Variants in TRIM51G observed in about 807,000 individuals in gnomAD.
TRIM51G encodes the protein tripartite motif-containing protein 51G.
the TRIM51G span, among the ~76,000 whole-genome samples, chr11:48,981,979 A>T: frequency 6.6e-6 from 1 of 152,162 alleles, no homozygotes; most frequent in East Asian, 1.9e-4. Context: ...GGATGTCGAT[A>T]TGAAACTCGG....
the TRIM51G span, chr11:48,978,995 G>T: frequency 2.3e-4 from 340 of 1,449,694 alleles, no homozygotes; most frequent in Middle Eastern, 2.6e-3. Context: ...AAATGTCCTC[G>T]CCCTCCTTTT....
the TRIM51G span, among the ~76,000 whole-genome samples, chr11:48,976,544 C>T: frequency 5.3e-5 from 8 of 152,220 alleles, no homozygotes; most frequent in African/African-American, 1.7e-4. Context: ...AAATTTTACA[C>T]GTAGCTCTTC....
the TRIM51G span, chr11:48,975,525 C>T: frequency 1.2e-5 from 17 of 1,395,426 alleles, no homozygotes; most frequent in East Asian, 3.5e-4. Context: ...AAATGATAGG[C>T]CAGAGAGGAG....
the TRIM51G span, chr11:48,979,196 A>G: frequency 6.5e-6 from 4 of 618,298 alleles, no homozygotes; most frequent in East Asian, 6.6e-5. Context: ...CAATATTTTA[A>G]TCCTCGATCT....
the TRIM51G span, among the ~76,000 whole-genome samples, chr11:48,977,578 G>T: frequency 2.3e-3 from 346 of 152,242 alleles, 1 homozygote; most frequent in African/African-American, 5.8e-3. Context: ...GTGTTGAAAC[G>T]TGCTCCAGGC....
chr11:48,980,990 T>A, the TRIM51G span: 2 of 559,232 alleles, frequency 3.6e-6, no homozygotes, highest in South Asian at 1.5e-5. Flanking sequence ...GCATTTTTCT[T>A]AGGAGCTCCT....
chr11:48,982,111 G>A, the TRIM51G span, among the ~76,000 whole-genome samples: 65 of 152,062 alleles, frequency 4.3e-4, 1 homozygote, highest in Non-Finnish European at 5.3e-4. Flanking sequence ...ATGAGAAGAT[G>A]GTCAGAGGGT....
the TRIM51G span, among the ~76,000 whole-genome samples, chr11:48,982,947 G>GTGTGTGTGTGTA: frequency 7.0e-5 from 6 of 86,138 alleles, no homozygotes; most frequent in South Asian, 5.5e-4. Flanking sequence ...AGTATTTTTG[G>GTGTGTGTGTGTA]TATATATACA....
chr11:48,979,742 T>C, the TRIM51G span, among the ~76,000 whole-genome samples: 1 of 151,366 alleles, frequency 6.6e-6, no homozygotes, highest in African/African-American at 2.4e-5. Flanking sequence ...TAGGTATATA[T>C]GGATATTTGA....
chr11:48,975,714 T>A, the TRIM51G span: 7 of 1,548,392 alleles, frequency 4.5e-6, no homozygotes, highest in Non-Finnish European at 6.2e-6. Flanking sequence ...CCTTAACACA[T>A]CCAAGAAGAA....
the TRIM51G span, chr11:48,979,067 A>C: frequency 4.8e-6 from 4 of 838,980 alleles, no homozygotes; most frequent in South Asian, 5.3e-5. Flanking sequence ...TATGATATTC[A>C]GCTCTGATTG....
the TRIM51G span, chr11:48,980,835 G>C: frequency 4.6e-6 from 2 of 439,032 alleles, no homozygotes; most frequent in Non-Finnish European, 9.3e-6. Flanking sequence ...TTGAGATCAA[G>C]TTCCTATTTT....
chr11:48,981,234 A>G, the TRIM51G span: 2 of 1,597,488 alleles, frequency 1.3e-6, no homozygotes, highest in Admixed American at 1.7e-5. Flanking sequence ...ATAGGCTGAC[A>G]AGAATTCCAT....
the TRIM51G span, chr11:48,975,699 G>A: frequency 3.9e-6 from 6 of 1,528,628 alleles, no homozygotes; most frequent in African/African-American, 5.5e-5. Context: ...TGCAGTGAGT[G>A]TCCTCCTTAA....
At chr11:48,978,824 C>T in the TRIM51G span, 780 of 842,050 alleles carry the variant, frequency 9.3e-4, 3 homozygotes, top group Non-Finnish European at 1.4e-3. Context: ...GTAAAACACC[C>T]ATCCACTTGA....
the TRIM51G span, chr11:48,981,152 G>A: frequency 1.4e-6 from 2 of 1,379,790 alleles, no homozygotes; most frequent in Non-Finnish European, 2.0e-6. Flanking sequence ...TCTGAGAGGT[G>A]TGAAGTCAAG....
chr11:48,979,156 T>C, the TRIM51G span: 1 of 671,666 alleles, frequency 1.5e-6, no homozygotes, highest in Non-Finnish European at 2.8e-6. Flanking sequence ...CTCTTGAATT[T>C]CACTGATTCC....
At chr11:48,982,584 G>C in the TRIM51G span, among the ~76,000 whole-genome samples, 1 of 151,988 alleles carries the variant, frequency 6.6e-6, no homozygotes, top group Non-Finnish European at 1.5e-5. Context: ...AGGGCAGAGA[G>C]AAGGCAGTTT....
the TRIM51G span, among the ~76,000 whole-genome samples, chr11:48,976,542 C>G: frequency 6.6e-5 from 10 of 152,142 alleles, no homozygotes; most frequent in Non-Finnish European, 1.3e-4. Flanking sequence ...TTAAATTTTA[C>G]ACGTAGCTCT....
Sources: gnomAD v4.1 joint callset for allele counts (sites outside exome capture counted in the v4.1 genomes callset) on GRCh38, gnomAD v4.1.1 for gene constraint, MANE v1.5 for transcripts, NCBI Gene and HGNC (gene_info 2026-07-23, HGNC 2026-07-21) for gene names.